Variants in SULF2 observed in about 807,000 individuals in gnomAD.
SULF2 encodes the protein extracellular sulfatase Sulf-2.
A neutral mutation model predicts 107.7 loss-of-function variants in SULF2; 52 were observed. The observed-to-expected ratio is 0.48, with a 90% CI of 0.39 to 0.61. The LOEUF is 0.61. Among genes scored for constraint, SULF2 ranks in the 20% least tolerant of loss-of-function variants. The pLI is 0.00. For synonymous variants in SULF2, 460 were observed against 464.3 expected (o/e 0.99, Z 0.12); for missense variants, 993 against 1,177.3 (o/e 0.84, Z 2.29).
intron 5 of SULF2, chr20:47,685,289 A>G (rs6018640): frequency 0.88 from 133,476 of 152,224 alleles, 58,917 homozygotes; most frequent in African/African-American, 0.97. Context: ...GCAGGGGCGC[A>G]ATCTCAGCTC....
rs112911747 is a variant in SULF2, at chr20:47,678,416, T to C, written c.1193+260A>G. ...CCATCTCCTACCATCACTGCTGCTA[T>C]CATTTCAAGCTTTGGGTAATTTTAG... On this transcript the variant is annotated intron_variant, in intron 8 of 20. Coordinates refer to ENST00000688720, the MANE Select transcript of SULF2 (RefSeq NM_001387048.1). The surrounding 1 kb of genome is among the most constrained non-coding windows in gnomAD (Gnocchi z 4.5). The C allele has an allele frequency of 1.6e-3, 762 of 468,088 alleles. 6 individuals carry two copies. The highest frequency in any genetic ancestry group is 0.013 in the African/African-American group (690 of 51,506). 29.0% of individuals were successfully genotyped at this position (468,088 alleles called of 1,614,324 possible).
intron 1 of SULF2, among the ~76,000 whole-genome samples, chr20:47,769,377 T>A: frequency 6.6e-6 from 1 of 150,756 alleles, no homozygotes; most frequent in East Asian, 2.0e-4. Context: ...TTTTTTTTTT[T>A]AGTAGAGACA....
intron 2 of SULF2, among the ~76,000 whole-genome samples, chr20:47,756,058 T>A (rs1339488501): frequency 6.6e-6 from 1 of 152,188 alleles, no homozygotes; most frequent in Non-Finnish European, 1.5e-5. Context: ...AATAAACATC[T>A]GCTGGATGAA....
intron 5 of SULF2, among the ~76,000 whole-genome samples, chr20:47,688,183 T>C (rs1046581222): frequency 1.3e-5 from 2 of 152,076 alleles, no homozygotes; most frequent in Non-Finnish European, 2.9e-5. Flanking sequence ...AACAGAAAGA[T>C]CCAGTGCTCT....
intron 4 of SULF2, among the ~76,000 whole-genome samples, chr20:47,702,202 C>T (rs973888255): frequency 6.6e-6 from 1 of 152,158 alleles, no homozygotes; most frequent in South Asian, 2.1e-4. Context: ...GGTCCACAGG[C>T]ATGTGCCACC....
chr20:47,721,891 C>T (rs2089306874), intron 3 of SULF2, among the ~76,000 whole-genome samples: 1 of 152,124 alleles, frequency 6.6e-6, no homozygotes, highest in Admixed American at 6.6e-5. Flanking sequence ...TGCCTGGCTG[C>T]TGTGATTGGG....
At chr20:47,772,130 T>A (rs1205352216) in intron 1 of SULF2, among the ~76,000 whole-genome samples, 2 of 152,236 alleles carry the variant, frequency 1.3e-5, no homozygotes, top group African/African-American at 4.8e-5. Flanking sequence ...CTAAATTCAT[T>A]CATTCATTCC....
chr20:47,666,466 G>A lies in SULF2; in HGVS notation c.1599C>T (p.Arg533=), dbSNP rs968225012. Residue 533 remains arginine (R), a synonymous_variant, in exon 12 of 21, where the codon CGC becomes CGT. Coordinates refer to ENST00000688720, the MANE Select transcript of SULF2 (RefSeq NM_001387048.1). This position sits in a 1 kb window ranked among gnomAD's most constrained non-coding sequence, Gnocchi z 5.4. ...FKKKYKASYV[R]SRSIRSVAIE... ...TGGCCACTGAGCGGATGGAGCGACT[G>A]CGGACATAGCTGGCCTTGTACTCTG... is the stretch of plus-strand genomic sequence containing the variant. The A allele has an allele frequency of 1.2e-6, 2 of 1,613,456 alleles. No individual in the cohort carries two copies. The highest frequency in any genetic ancestry group is 4.5e-5 in the East Asian group (2 of 44,884).
intron 1 of SULF2, among the ~76,000 whole-genome samples, chr20:47,763,355 C>G (rs7352421): frequency 6.6e-6 from 1 of 152,214 alleles, no homozygotes; most frequent in South Asian, 2.1e-4. Context: ...ATGCCCTCAC[C>G]TTCCCAATGC....
Position 47,752,745 on chromosome 20 carries a change from C to T in SULF2, c.175+4444G>A, listed in dbSNP as rs199657303. 7.6e-4 allele frequency among the ~76,000 whole-genome samples: 113 copies of T among 149,434 alleles called. 1 individual carries two copies. The highest frequency in any genetic ancestry group is 2.2e-3 in the East Asian group (11 of 4,996). ...CATCCTGGGTGACAGAGCGAGACCCCGTCTCAAAAAATATAAACAAATAAA... is the reference window on the plus strand; with the variant it reads ...CATCCTGGGTGACAGAGCGAGACCCTGTCTCAAAAAATATAAACAAATAAA... On this transcript the variant is annotated intron_variant, in intron 2 of 20. Transcript: ENST00000688720.
chr20:47,757,449 T>C lies in SULF2; in HGVS notation c.-86A>G, dbSNP rs2090321392. 9 of 1,418,752 alleles carry C rather than the reference T, an allele frequency of 6.3e-6. No individual in the cohort carries two copies. The highest frequency in any genetic ancestry group is 1.4e-5 in the African/African-American group (1 of 69,400). The allele number at this position is 1,418,752 out of a possible 1,614,324, so 87.9% of individuals were successfully genotyped here. On this transcript the variant is annotated 5_prime_UTR_variant, in exon 2 of 21. Transcript: ENST00000688720. ...GGCTTTGTTTCTTTTCCCTCGTCCC[T>C]CTTCACTCGCAGATCTAGAGGAGGA...
At chr20:47,713,787 AC>A (rs1275451835) in intron 3 of SULF2, among the ~76,000 whole-genome samples, 4 of 152,144 alleles carry the variant, frequency 2.6e-5, no homozygotes, top group Non-Finnish European at 5.9e-5. Context: ...AAAAACAGAA[AC>A]AAAAAAGAAC....
At chr20:47,708,665 G>A (rs1246971657) in intron 3 of SULF2, among the ~76,000 whole-genome samples, 3 of 152,162 alleles carry the variant, frequency 2.0e-5, no homozygotes, top group African/African-American at 4.8e-5. Flanking sequence ...TGGGTTTCCC[G>A]CTACACTCCC....
intron 3 of SULF2, among the ~76,000 whole-genome samples, chr20:47,731,187 C>CTTTTTTTTT (rs71183273): frequency 2.3e-4 from 19 of 81,164 alleles, no homozygotes; most frequent in African/African-American, 8.1e-4. Flanking sequence ...TGTATCTTCT[C>CTTTTTTTTT]TTTTTTTTTT....
intron 1 of SULF2, among the ~76,000 whole-genome samples, chr20:47,776,545 G>T (rs2090728774): frequency 1.3e-5 from 2 of 152,168 alleles, no homozygotes; most frequent in African/African-American, 4.8e-5. Context: ...TGCTCTCCTG[G>T]GCTGTGACCG....
intron 3 of SULF2, among the ~76,000 whole-genome samples, chr20:47,723,305 C>T (rs938522710): frequency 2.0e-5 from 3 of 151,462 alleles, no homozygotes; most frequent in Non-Finnish European, 2.9e-5. Flanking sequence ...GGCGAGAAGT[C>T]CTAAGAAGAA....
At position 47,683,308 on chromosome 20, in the gene SULF2, TC is replaced by T; in HGVS notation, c.889-140del. On this transcript the variant is annotated intron_variant, in intron 6 of 20. Transcript: ENST00000688720. ...CTTTGCTCAACTTTCCCAGGGGCTG[TC>T]CCCTTTGTCACTGCACCTTCCTGCC... The T allele has an allele frequency of 4.9e-6, 4 of 821,564 alleles. No homozygotes were observed. In the South Asian group the frequency reaches 6.7e-5, roughly 14 times the overall value. The allele number at this position is 821,564 out of a possible 1,614,324, so 50.9% of individuals were successfully genotyped here.
chr20:47,658,225 G>A lies in SULF2; in HGVS notation c.*137C>T. 1 of 836,676 alleles carries A rather than the reference G, an allele frequency of 1.2e-6. No homozygotes were observed. Among genetic ancestry groups the A allele is most frequent in the Non-Finnish European group, 2.1e-6 (1 of 487,538 alleles). 51.8% of individuals were successfully genotyped at this position (836,676 alleles called of 1,614,324 possible). A position where few individuals can be genotyped will look rare whatever the true frequency, so the allele number is the denominator to read the frequency against. On this transcript the variant is annotated 3_prime_UTR_variant, in exon 21 of 21. Coordinates refer to ENST00000688720, the MANE Select transcript of SULF2 (RefSeq NM_001387048.1). ...GTTATCCTCCAGAATCTGTCATGTT[G>A]ACTGAGAGTGCGTGCTTGCTTTCTC...
At chr20:47,758,770 G>C (rs1290862410) in intron 1 of SULF2, among the ~76,000 whole-genome samples, 1 of 151,516 alleles carries the variant, frequency 6.6e-6, no homozygotes, top group Non-Finnish European at 1.5e-5. Context: ...AAACAAGAGA[G>C]CATGAGCGAG....
Sources: gnomAD v4.1 joint callset for allele counts (sites outside exome capture counted in the v4.1 genomes callset) on GRCh38, gnomAD v4.1.1 for gene constraint, Gnocchi (gnomAD v3.1) non-coding constraint, MANE v1.5 for transcripts, NCBI Gene and HGNC (gene_info 2026-07-23, HGNC 2026-07-21) for gene names.